TCF7L2: variants seen among roughly 807,000 people sequenced by gnomAD.
The protein encoded by TCF7L2 is transcription factor 7-like 2.
Under a neutral mutation model 77.9 loss-of-function variants are expected in TCF7L2, and 23 were observed. The observed-to-expected ratio is 0.30, with a 90% CI of 0.21 to 0.42. The LOEUF is 0.42. TCF7L2 is among the 10% of genes least tolerant of loss of function. The probability of loss-of-function intolerance (pLI) is 1.00; values close to 1 mark genes in which losing one functional copy is unlikely to be tolerated. For missense variants in TCF7L2, 654 were observed against 793.1 expected (o/e 0.82, Z 2.11); for synonymous variants, 413 against 340.2 (o/e 1.21, Z -2.36).
chr10:112,963,132 A>G (rs1242528498), intron 3 of TCF7L2, among the ~76,000 whole-genome samples: 1 of 152,078 alleles, frequency 6.6e-6, no homozygotes, highest in Non-Finnish European at 1.5e-5. Context: ...CTATTTGTTT[A>G]TTTGGAACAG....
intron 4 of TCF7L2, among the ~76,000 whole-genome samples, chr10:113,005,091 C>G (rs1188583034): frequency 6.6e-6 from 1 of 152,136 alleles, no homozygotes; most frequent in Non-Finnish European, 1.5e-5. Flanking sequence ...CCGTCCAGAC[C>G]ATAGACACAT....
At chr10:113,138,957 A>G (rs1408971012) in intron 5 of TCF7L2, among the ~76,000 whole-genome samples, 1 of 152,138 alleles carries the variant, frequency 6.6e-6, no homozygotes, top group Non-Finnish European at 1.5e-5. Flanking sequence ...GCTGGTTCTG[A>G]TGCCCACCAC....
intron 5 of TCF7L2, among the ~76,000 whole-genome samples, chr10:113,070,269 T>TTATATATATATATATATATATA (rs34181424): frequency 5.6e-4 from 70 of 124,100 alleles, no homozygotes; most frequent in African/African-American, 2.1e-3. Context: ...AAAAAAAAAT[T>TTATATATATATATATATATATA]TATATATATA....
intron 5 of TCF7L2, chr10:113,132,915 C>T (rs2066825493): frequency 6.6e-6 from 1 of 152,088 alleles, no homozygotes; most frequent in Non-Finnish European, 1.5e-5. Flanking sequence ...CACTGACCTC[C>T]AGGTTGAGAA....
chr10:113,160,685 C>T lies in TCF7L2; in HGVS notation c.1385C>T (p.Pro462Leu), dbSNP rs1219807932. The T allele has an allele frequency of 6.3e-7, 1 of 1,591,692 alleles. No homozygotes were observed. Among genetic ancestry groups the T allele is most frequent in the Non-Finnish European group, 8.6e-7 (1 of 1,168,444 alleles). Residue 462 changes from proline (P) to leucine (L), a missense_variant, in exon 13 of 14, where the codon CCG becomes CTG. Coordinates refer to ENST00000627217, the MANE Select transcript of TCF7L2 (RefSeq NM_001146274.2). ...GACCGACAGACTTTATGGTGCAAAC[C>T]GTGCAGGTATATTACCACTGCGAGG... is the stretch of plus-strand genomic sequence containing the variant.
At chr10:113,056,776 C>A (rs1057062405) in intron 5 of TCF7L2, among the ~76,000 whole-genome samples, 2 of 152,270 alleles carry the variant, frequency 1.3e-5, no homozygotes, top group Middle Eastern at 3.4e-3. Flanking sequence ...TTTAAAATGG[C>A]TTTTGGTCTG....
chr10:112,982,807 TAG>T (rs1321083247), intron 4 of TCF7L2, among the ~76,000 whole-genome samples: 1 of 152,122 alleles, frequency 6.6e-6, no homozygotes, highest in Non-Finnish European at 1.5e-5. Context: ...GTATTTTTAG[TAG>T]AGACAGGGTT....
intron 5 of TCF7L2, among the ~76,000 whole-genome samples, chr10:113,135,896 C>G (rs1778145498): frequency 6.7e-6 from 1 of 150,368 alleles, no homozygotes; most frequent in Non-Finnish European, 1.5e-5. Flanking sequence ...GAGGACAGAT[C>G]CCACCGAGAG....
intron 8 of TCF7L2, among the ~76,000 whole-genome samples, chr10:113,148,329 G>C (rs1024970141): frequency 6.6e-6 from 1 of 152,102 alleles, no homozygotes; most frequent in Admixed American, 6.5e-5. Context: ...GGCTTCAAAG[G>C]GAGCGAGATC....
At chr10:113,093,995 C>T (rs892230509) in intron 5 of TCF7L2, among the ~76,000 whole-genome samples, 3 of 152,200 alleles carry the variant, frequency 2.0e-5, no homozygotes, top group African/African-American at 4.8e-5. Flanking sequence ...CGGGGATTAG[C>T]GAGATGGTGC....
At chr10:113,136,693 G>A (rs2067459214) in intron 5 of TCF7L2, among the ~76,000 whole-genome samples, 1 of 152,192 alleles carries the variant, frequency 6.6e-6, no homozygotes, top group Admixed American at 6.5e-5. Context: ...ATAAAAGGGG[G>A]AGGGAATAAG....
At chr10:113,070,977 A>G (rs1215870486) in intron 5 of TCF7L2, among the ~76,000 whole-genome samples, 1 of 152,132 alleles carries the variant, frequency 6.6e-6, no homozygotes, top group East Asian at 1.9e-4. Flanking sequence ...AACAACTAAT[A>G]TATTTTCTGC....
chr10:112,951,173 CCCT>C, intron 1 of TCF7L2, 31 bp from the exon 2 acceptor site: 1 of 1,561,312 alleles, frequency 6.4e-7, no homozygotes, highest in Non-Finnish European at 8.7e-7. Context: ...TGGCGTTTGC[CCCT>C]CGCCCTCCCC....
At chr10:113,086,782 G>A (rs1254327884) in intron 5 of TCF7L2, among the ~76,000 whole-genome samples, 2 of 150,946 alleles carry the variant, frequency 1.3e-5, no homozygotes, top group Non-Finnish European at 2.9e-5. Context: ...AAAAACTATA[G>A]TTATTTTCTC....
intron 4 of TCF7L2, among the ~76,000 whole-genome samples, chr10:112,985,010 C>T (rs893128173): frequency 4.6e-5 from 7 of 152,142 alleles, no homozygotes; most frequent in African/African-American, 1.7e-4. Flanking sequence ...CGCCCTGAGC[C>T]TTAGTTTTAT....
In TCF7L2 at chr10:112,980,106, T is replaced by G. The variant is rs147168460; in HGVS notation, c.450+15482T>G. On this transcript the variant is annotated intron_variant, in intron 4 of 13. Coordinates refer to ENST00000627217, the MANE Select transcript of TCF7L2 (RefSeq NM_001146274.2). The stretch of plus-strand genomic sequence containing the variant: ...TATGGGGGACTCTGTCTGGTTTGGC[T>G]CAAAAGCATTTGTCAGGTTTATACT... 1.2e-3 allele frequency among the ~76,000 whole-genome samples: 182 copies of G among 152,364 alleles called. 1 individual carries two copies. The highest frequency in any genetic ancestry group is 2.2e-3 in the Non-Finnish European group (151 of 68,032).
chr10:112,989,458 A>C (rs1222125816), intron 4 of TCF7L2, among the ~76,000 whole-genome samples: 2 of 150,604 alleles, frequency 1.3e-5, no homozygotes, highest in Non-Finnish European at 2.9e-5. Context: ...CTTCCCCTTT[A>C]CTCTTATATG....
At chr10:113,055,844 C>T (rs942212197) in intron 5 of TCF7L2, among the ~76,000 whole-genome samples, 15 of 152,198 alleles carry the variant, frequency 9.9e-5, no homozygotes, top group Non-Finnish European at 1.9e-4. Context: ...TAAGTAGCTC[C>T]GAATTCTGCA....
intron 4 of TCF7L2, among the ~76,000 whole-genome samples, chr10:112,975,298 A>G (rs187373620): frequency 4.6e-5 from 7 of 152,228 alleles, no homozygotes; most frequent in Admixed American, 4.6e-4. Context: ...CATTCCACCC[A>G]GATTGAGGCT....
Sources: allele counts gnomAD v4.1 joint callset (sites outside exome capture counted in the v4.1 genomes callset), GRCh38; gene constraint gnomAD v4.1.1; transcripts MANE v1.5; gene names NCBI Gene and HGNC (gene_info 2026-07-23, HGNC 2026-07-21).